The following PTPRD variants were observed in gnomAD, a reference collection of about 807,000 sequenced individuals.
PTPRD encodes protein tyrosine phosphatase receptor type D.
A neutral mutation model predicts 214.5 loss-of-function variants in PTPRD; 34 were observed. The observed-to-expected ratio is 0.16, with a 90% confidence interval of 0.12 to 0.21. PTPRD has a LOEUF of 0.21. Among genes scored for constraint, PTPRD ranks in the 10% least tolerant of loss-of-function variants. The probability of loss-of-function intolerance (pLI) is 1.00; values close to 1 mark genes in which losing one functional copy is unlikely to be tolerated. For missense variants in PTPRD, 2,545 were observed against 2,398.7 expected (o/e 1.06, Z -1.27); for synonymous variants, 1,128 against 845.7 (o/e 1.33, Z -5.79).
chr9:9,602,153 A>T (rs2154338289), intron 7 of PTPRD, among the ~76,000 whole-genome samples: 1 of 152,170 alleles, frequency 6.6e-6, no homozygotes, highest in African/African-American at 2.4e-5. Context: ...CATTCCTATT[A>T]CCTTTGCTTT....
intron 7 of PTPRD, among the ~76,000 whole-genome samples, chr9:9,580,903 T>A (rs2090579154): frequency 6.6e-6 from 1 of 152,030 alleles, no homozygotes; most frequent in African/African-American, 2.4e-5. Flanking sequence ...GTTGTTTGAG[T>A]TCATTGTAAA....
intron 11 of PTPRD, among the ~76,000 whole-genome samples, chr9:9,008,820 TG>T (rs1392785528): frequency 6.6e-6 from 1 of 152,184 alleles, no homozygotes; most frequent in African/African-American, 2.4e-5. Context: ...TGAGAACCCT[TG>T]TAAAACCTTA....
intron 11 of PTPRD, among the ~76,000 whole-genome samples, chr9:8,993,656 A>C (rs756886108): frequency 6.6e-6 from 1 of 152,146 alleles, no homozygotes; most frequent in Non-Finnish European, 1.5e-5. Flanking sequence ...AGAAAATCTT[A>C]TGTATCTTAG....
chr9:9,051,959 G>A (rs1332906071), intron 10 of PTPRD, among the ~76,000 whole-genome samples: 1 of 152,136 alleles, frequency 6.6e-6, no homozygotes, highest in African/African-American at 2.4e-5. Context: ...GGGATTTAAG[G>A]CAACTGTTTT....
intron 10 of PTPRD, among the ~76,000 whole-genome samples, chr9:9,175,982 C>A (rs2099924615): frequency 6.6e-6 from 1 of 152,160 alleles, no homozygotes; most frequent in Non-Finnish European, 1.5e-5. Flanking sequence ...TCTAGGTAAT[C>A]TTCTATAGCT....
intron 9 of PTPRD, among the ~76,000 whole-genome samples, chr9:9,322,345 A>G (rs1595759137): frequency 1.3e-5 from 2 of 152,202 alleles, no homozygotes; most frequent in Non-Finnish European, 2.9e-5. Flanking sequence ...ATTGTCATAC[A>G]TAATTCACAA....
chr9:8,805,922 G>C (rs1426641939), intron 11 of PTPRD, among the ~76,000 whole-genome samples: 2 of 147,604 alleles, frequency 1.4e-5, no homozygotes, highest in African/African-American at 2.5e-5. Flanking sequence ...GTGAACCCGG[G>C]AGGTGGAGCT....
intron 9 of PTPRD, among the ~76,000 whole-genome samples, chr9:9,265,045 T>G (rs976437589): frequency 6.6e-6 from 1 of 151,744 alleles, no homozygotes; most frequent in Non-Finnish European, 1.5e-5. Flanking sequence ...TAAAGCATAT[T>G]CTTTAAGCTG....
chr9:10,151,044 A>G (rs2099057144), intron 3 of PTPRD, among the ~76,000 whole-genome samples: 1 of 145,644 alleles, frequency 6.9e-6, no homozygotes, highest in South Asian at 2.1e-4. Flanking sequence ...TATACTTTCT[A>G]GACTTTTTTG....
At chr9:10,475,554 T>C (rs2099057228) in intron 2 of PTPRD, among the ~76,000 whole-genome samples, 1 of 151,790 alleles carries the variant, frequency 6.6e-6, no homozygotes, top group Non-Finnish European at 1.5e-5. Flanking sequence ...CTACCACAGG[T>C]ACAAAGAGGA....
intron 9 of PTPRD, among the ~76,000 whole-genome samples, chr9:9,359,591 A>G (rs1053661481): frequency 6.6e-6 from 1 of 151,248 alleles, no homozygotes; most frequent in African/African-American, 2.4e-5. Flanking sequence ...CTTGAAACCA[A>G]CTAAACCTAG....
At chr9:8,926,082 G>A (rs527779319) in intron 11 of PTPRD, among the ~76,000 whole-genome samples, 2 of 151,962 alleles carry the variant, frequency 1.3e-5, no homozygotes, top group African/African-American at 2.4e-5. Flanking sequence ...CTCATCACAC[G>A]ATTTCTAGTC....
chr9:9,789,895 T>C (rs1021436538), intron 5 of PTPRD, among the ~76,000 whole-genome samples: 1 of 149,870 alleles, frequency 6.7e-6, no homozygotes, highest in Non-Finnish European at 1.5e-5. Context: ...GCTACTGAAA[T>C]CTCTCATAAA....
At chr9:10,568,956 A>T (rs1467962024) in intron 2 of PTPRD, among the ~76,000 whole-genome samples, 1 of 152,166 alleles carries the variant, frequency 6.6e-6, no homozygotes, top group Non-Finnish European at 1.5e-5. Context: ...TCTGCACAGC[A>T]AAAGAAACTA....
In PTPRD at chr9:9,130,330, A is replaced by G. The variant is rs10123679; in HGVS notation, c.-143+52974T>C. On this transcript the variant is annotated intron_variant, in intron 10 of 45. Coordinates refer to ENST00000381196, the MANE Select transcript of PTPRD (RefSeq NM_002839.4). Reference sequence around the variant, plus strand: ...TCATCTATTTATAATAAAACATCAAAATTTTAAGTAAAATTAAAGAGTTTC... The same window carrying G: ...TCATCTATTTATAATAAAACATCAAGATTTTAAGTAAAATTAAAGAGTTTC... Among the ~76,000 whole-genome samples, 944 of 152,294 alleles carry G rather than the reference A, an allele frequency of 6.2e-3. 8 individuals are homozygous for G. The highest frequency in any genetic ancestry group is 0.022 in the African/African-American group (908 of 41,554).
At chr9:8,335,631 A>T (rs1275922541) in intron 43 of PTPRD, among the ~76,000 whole-genome samples, 3 of 152,226 alleles carry the variant, frequency 2.0e-5, no homozygotes. Flanking sequence ...CAGTATTGGA[A>T]GTTCTGGCCA....
At chr9:10,171,593 C>T (rs1435726991) in intron 3 of PTPRD, among the ~76,000 whole-genome samples, 3 of 152,166 alleles carry the variant, frequency 2.0e-5, no homozygotes, top group Non-Finnish European at 2.9e-5. Context: ...GGCGCAATCT[C>T]GGCTCACTGC....
intron 2 of PTPRD, among the ~76,000 whole-genome samples, chr9:10,396,582 G>C (rs1364491613): frequency 6.6e-6 from 1 of 151,978 alleles, no homozygotes; most frequent in Non-Finnish European, 1.5e-5. Flanking sequence ...GAATTAGAGA[G>C]ACAGTGTAAC....
chr9:8,735,226 C>T (rs146308571), intron 11 of PTPRD, among the ~76,000 whole-genome samples: 236 of 146,686 alleles, frequency 1.6e-3, no homozygotes, highest in African/African-American at 5.3e-3. Context: ...TCACTGCAAA[C>T]GCTGCTTCCC....
Sources: gnomAD v4.1 joint callset for allele counts (sites outside exome capture counted in the v4.1 genomes callset) on GRCh38, gnomAD v4.1.1 for gene constraint, MANE v1.5 for transcripts, NCBI Gene and HGNC (gene_info 2026-07-23, HGNC 2026-07-21) for gene names.